Variants in CPA4 observed in about 807,000 individuals in gnomAD.
CPA4 encodes the protein carboxypeptidase A3.
In CPA4, 49 loss-of-function variants were observed where a neutral mutation model predicts 54.7. That is an observed-to-expected ratio of 0.90 (90% CI 0.71 to 1.14). The LOEUF is 1.14. Among genes scored for constraint, CPA4 ranks in the 50% most tolerant of loss-of-function variants. The pLI, the probability that CPA4 is intolerant of heterozygous loss-of-function variation, is 0.00. For missense variants in CPA4, 487 were observed against 525.1 expected (o/e 0.93, Z 0.71); for synonymous variants, 215 against 206.8 (o/e 1.04, Z -0.34).
At chr7:130,314,970 T>C (rs1020484323) in intron 10 of CPA4, among the ~76,000 whole-genome samples, 1 of 152,014 alleles carries the variant, frequency 6.6e-6, no homozygotes, top group African/African-American at 2.4e-5. Context: ...ATTTTAGACT[T>C]GGTTGTTTGG....
chr7:130,299,188 T>G, intron 2 of CPA4, 82 bp from the exon 3 acceptor site: 1 of 1,417,852 alleles, frequency 7.1e-7, no homozygotes, highest in Non-Finnish European at 9.9e-7. Flanking sequence ...CCCTGGCTTT[T>G]GGCAGTGTTC....
intron 4 of CPA4, among the ~76,000 whole-genome samples, chr7:130,302,584 A>C (rs1025727596): frequency 4.0e-5 from 6 of 151,596 alleles, no homozygotes; most frequent in Admixed American, 2.6e-4. Context: ...TCTCTGCCAG[A>C]GTTTCTGGTT....
intron 10 of CPA4, among the ~76,000 whole-genome samples, chr7:130,317,385 C>T (rs976232806): frequency 3.9e-5 from 6 of 152,186 alleles, no homozygotes; most frequent in Non-Finnish European, 7.3e-5. Context: ...GAAAACATAC[C>T]TCCATTGTGA....
intron 1 of CPA4, among the ~76,000 whole-genome samples, chr7:130,295,985 G>GA (rs553995708): frequency 2.0e-5 from 3 of 151,642 alleles, no homozygotes; most frequent in East Asian, 1.9e-4. Context: ...AACTCCATCT[G>GA]AAAAAAAAGG....
intron 1 of CPA4, among the ~76,000 whole-genome samples, chr7:130,296,311 A>C (rs912115125): frequency 6.6e-6 from 1 of 152,174 alleles, no homozygotes; most frequent in African/African-American, 2.4e-5. Flanking sequence ...TGCATGCTAC[A>C]GATATTTTGT....
Position 130,304,532 on chromosome 7 carries a change from G to A in CPA4, c.439G>A (p.Val147Met). Residue 147 changes from valine to methionine, a missense_variant, in exon 5 of 11, where the codon GTG becomes ATG. Transcript: ENST00000222482. ...AGACTTTCCTGACCTGGCGAGGAGG[G>A]TGAAGATTGGACATTCGTTTGAAAA... ...AADFPDLARR[V>M]KIGHSFENRP... The A allele has an allele frequency of 6.2e-7, 1 of 1,613,834 alleles. No individual in the cohort carries two copies. The highest frequency in any genetic ancestry group is 8.5e-7 in the Non-Finnish European group (1 of 1,179,710).
intron 4 of CPA4, among the ~76,000 whole-genome samples, chr7:130,303,717 C>T (rs1793773904): frequency 1.3e-5 from 2 of 151,968 alleles, no homozygotes; most frequent in African/African-American, 2.4e-5. Flanking sequence ...TAGCCTAAAC[C>T]TCCCAGGCTT....
At chr7:130,294,771 CA>C (rs1382652871) in intron 1 of CPA4, among the ~76,000 whole-genome samples, 1 of 152,202 alleles carries the variant, frequency 6.6e-6, no homozygotes, top group Non-Finnish European at 1.5e-5. Context: ...GGAAACCTAG[CA>C]AAGGTAGTGG....
intron 10 of CPA4, among the ~76,000 whole-genome samples, chr7:130,317,795 T>C (rs770071486): frequency 2.0e-5 from 3 of 152,088 alleles, no homozygotes; most frequent in Admixed American, 2.0e-4. Flanking sequence ...TCTATAATAG[T>C]GTCTCAATAG....
chr7:130,306,286 G>A, intron 6 of CPA4: 1 of 288,548 alleles, frequency 3.5e-6, no homozygotes, highest in Non-Finnish European at 6.6e-6. Flanking sequence ...AGGAGGCTGA[G>A]GCAGGAGAAT....
chr7:130,322,237 G>A (rs997719578), intron 10 of CPA4, among the ~76,000 whole-genome samples: 9 of 152,118 alleles, frequency 5.9e-5, no homozygotes, highest in South Asian at 4.2e-4. Flanking sequence ...CTTACAGGAC[G>A]GACACAGCGT....
intron 8 of CPA4, among the ~76,000 whole-genome samples, chr7:130,308,753 A>G (rs1052147509): frequency 4.1e-5 from 6 of 146,566 alleles, no homozygotes; most frequent in Admixed American, 1.3e-4. Context: ...GGGTTTCACC[A>G]TGTTGGCCAG....
At chr7:130,316,127 G>A (rs1793984050) in intron 10 of CPA4, among the ~76,000 whole-genome samples, 1 of 152,190 alleles carries the variant, frequency 6.6e-6, no homozygotes, top group Non-Finnish European at 1.5e-5. Context: ...GATTGGTTGA[G>A]ACGTGTTTTG....
At chr7:130,307,771 T>C (rs960263469) in intron 7 of CPA4, among the ~76,000 whole-genome samples, 2 of 152,172 alleles carry the variant, frequency 1.3e-5, no homozygotes, top group African/African-American at 4.8e-5. Flanking sequence ...TTTAAAAGTC[T>C]CACTCATTTA....
intron 1 of CPA4, among the ~76,000 whole-genome samples, chr7:130,296,718 G>C (rs1288011684): frequency 8.6e-6 from 1 of 116,778 alleles, no homozygotes; most frequent in African/African-American, 3.6e-5. Context: ...ACAGGGTCTT[G>C]TTCTGTCAAC....
intron 10 of CPA4, among the ~76,000 whole-genome samples, chr7:130,321,444 T>G (rs755596009): frequency 3.3e-5 from 5 of 152,136 alleles, no homozygotes; most frequent in Non-Finnish European, 7.3e-5. Context: ...AGGGCAGGAA[T>G]TCAATGGTTT....
chr7:130,295,066 A>C (rs146038476), intron 1 of CPA4, among the ~76,000 whole-genome samples: 27 of 152,354 alleles, frequency 1.8e-4, no homozygotes, highest in African/African-American at 6.5e-4. Context: ...GGATGCCTAG[A>C]GGCACCAGGC....
chr7:130,298,784 A>G lies in CPA4; in HGVS notation c.107A>G (p.Glu36Gly). The change falls in exon 2 of 11, where the codon GAG (glutamate) becomes GGG (glycine). Residue 36 changes from glutamate to glycine, a missense_variant. Physicochemically the swap from Glu to Gly is moderately conservative, Grantham distance 98. Coordinates refer to ENST00000222482, the MANE Select transcript of CPA4 (RefSeq NM_016352.4). ...VLRINVRNGDEISKLSQLVNS... is the reference protein window; with the variant it reads ...VLRINVRNGDGISKLSQLVNS... ...AGGATTAATGTCAGAAATGGAGACG[A>G]GATCAGCAAATTGAGTCAACTAGTG... 6.2e-7 allele frequency: 1 copy of G among 1,612,698 alleles called. No homozygotes were observed. Among genetic ancestry groups the G allele is most frequent in the Non-Finnish European group, 8.5e-7 (1 of 1,178,670 alleles).
rs183040539 is a variant in CPA4 at position 130,301,754 on chromosome 7, C to T, written c.384+840C>T. On this transcript the variant is annotated intron_variant, in intron 4 of 10. Transcript: ENST00000222482. The stretch of plus-strand genomic sequence containing the variant: ...AGGTTGACTATTTCCACTTCTTTCC[C>T]ATGCTTGTCGGTAGCTTTGTTTATT... Among the ~76,000 whole-genome samples, 248 of 152,316 alleles carry T rather than the reference C, an allele frequency of 1.6e-3. 1 individual carries two copies. The highest frequency in any genetic ancestry group is 5.3e-3 in the African/African-American group (220 of 41,552).
Sources: gnomAD v4.1 joint callset for allele counts (sites outside exome capture counted in the v4.1 genomes callset) on GRCh38, gnomAD v4.1.1 for gene constraint, MANE v1.5 for transcripts, NCBI Gene and HGNC (gene_info 2026-07-23, HGNC 2026-07-21) for gene names.